RAC1: variants seen among roughly 807,000 people sequenced by gnomAD.
The protein encoded by RAC1 is Rac family small GTPase 1.
A neutral mutation model predicts 25.2 loss-of-function variants in RAC1; 2 were observed. The observed-to-expected ratio is 0.08, with a 90% CI of 0.03 to 0.25. The LOEUF is 0.25. Ranked by LOEUF, RAC1 falls within the 10% of genes least tolerant of loss-of-function variation. The probability of loss-of-function intolerance (pLI) is 1.00; values close to 1 mark genes in which losing one functional copy is unlikely to be tolerated. For missense variants in RAC1, 50 were observed against 235.7 expected, an observed-to-expected ratio of 0.21 and a Z score of 5.16; for synonymous variants, 88 against 94.0, an observed-to-expected ratio of 0.94 and a Z score of 0.37.
intron 3 of RAC1, among the ~76,000 whole-genome samples, chr7:6,393,254 T>C (rs986561180): frequency 5.3e-5 from 8 of 152,346 alleles, no homozygotes; most frequent in African/African-American, 1.9e-4. Context: ...AATCAGTCTA[T>C]AATCCCCAGA....
chr7:6,377,283 G>C (rs1319922636), intron 1 of RAC1, among the ~76,000 whole-genome samples: 1 of 151,876 alleles, frequency 6.6e-6, no homozygotes, highest in Non-Finnish European at 1.5e-5. Flanking sequence ...GTTGACTACA[G>C]CTAAGTGATA....
In RAC1 at chr7:6,376,529, G is replaced by T. The variant is rs35760067; in HGVS notation, c.35+1759G>T. On this transcript the variant is annotated intron_variant, in intron 1 of 5. Transcript: ENST00000348035. ...TTCTTTTTTTTTTTTTTGAGACGGGGTCTCACTCTGTCGCCCAGGCTGGAG... is the reference window on the plus strand; with the variant it reads ...TTCTTTTTTTTTTTTTTGAGACGGGTTCTCACTCTGTCGCCCAGGCTGGAG... Among the ~76,000 whole-genome samples the T allele has an allele frequency of 1.7e-3, 241 of 144,542 alleles. 1 individual carries two copies. The highest frequency in any genetic ancestry group is 6.0e-3 in the African/African-American group (228 of 38,204). The allele number at this position is 144,542 out of a possible 152,430, so 94.8% of individuals were successfully genotyped here. A position where few individuals can be genotyped will look rare whatever the true frequency, so the allele number is the denominator to read the frequency against.
chr7:6,389,857 C>T (rs1045492061), intron 2 of RAC1, among the ~76,000 whole-genome samples: 1 of 152,094 alleles, frequency 6.6e-6, no homozygotes, highest in Non-Finnish European at 1.5e-5. Context: ...TTTTTAGTCT[C>T]TTGTGAATTG....
chr7:6,386,088 G>T (rs1782915034), intron 1 of RAC1, among the ~76,000 whole-genome samples: 1 of 152,202 alleles, frequency 6.6e-6, no homozygotes, highest in African/African-American at 2.4e-5. Flanking sequence ...CGGCACACTG[G>T]TAATATTAGG....
chr7:6,400,251 T>C lies in RAC1; in HGVS notation c.288+63T>C, dbSNP rs1388741118. Reference sequence around the variant, plus strand: ...ATGATCCTCTCAGAAATAAATACTTTAAAATATCACTTAGCCTAGGAATTT... The same window carrying C: ...ATGATCCTCTCAGAAATAAATACTTCAAAATATCACTTAGCCTAGGAATTT... On this transcript the variant is annotated intron_variant, in intron 4 of 5. Transcript: ENST00000348035. The C allele has an allele frequency of 9.8e-6, 14 of 1,429,792 alleles. No homozygotes were observed. The East Asian group carries it at 1.8e-4, about 19-fold the overall frequency. 88.6% of individuals were successfully genotyped at this position (1,429,792 alleles called of 1,614,324 possible).
At position 6,374,774 on chromosome 7, in the gene RAC1, A is replaced by T; in HGVS notation, c.35+4A>T. On this transcript the variant is annotated splice_donor_region_variant and intron_variant, in intron 1 of 5. Coordinates refer to ENST00000348035, the MANE Select transcript of RAC1 (RefSeq NM_006908.5). The stretch of plus-strand genomic sequence containing the variant: ...AGTGTGTGGTGGTGGGAGACGGGTG[A>T]GTGCGCGGCCGGGGCCGGGCTGGAG... 1 of 1,138,976 alleles carries T rather than the reference A, an allele frequency of 8.8e-7. No individual in the cohort carries two copies. Among genetic ancestry groups the T allele is most frequent in the Non-Finnish European group, 1.1e-6 (1 of 923,006 alleles). The allele number at this position is 1,138,976 out of a possible 1,614,324, so 70.6% of individuals were successfully genotyped here. A position where few individuals can be genotyped will look rare whatever the true frequency, so the allele number is the denominator to read the frequency against.
intron 1 of RAC1, among the ~76,000 whole-genome samples, chr7:6,378,136 A>G (rs1782656998): frequency 6.6e-6 from 1 of 151,706 alleles, no homozygotes; most frequent in Non-Finnish European, 1.5e-5. Flanking sequence ...TTGCTCCTTA[A>G]CTCTGCATAC....
In RAC1 at chr7:6,395,101, G is replaced by A. The variant is rs571913790; in HGVS notation, c.225+3060G>A. On this transcript the variant is annotated intron_variant, in intron 3 of 5. Coordinates refer to ENST00000348035, the MANE Select transcript of RAC1 (RefSeq NM_006908.5). ...GATCTCCTGAGCTTGTGATCCGCCC[G>A]CCTTGGCCTCCCCAAGTGCTGGGAT... Among the ~76,000 whole-genome samples, 39 of 152,156 alleles carry A rather than the reference G, an allele frequency of 2.6e-4. 1 individual carries two copies. The highest frequency in any genetic ancestry group is 5.1e-4 in the African/African-American group (21 of 41,524).
chr7:6,375,739 A>G (rs1372464370), intron 1 of RAC1: 1 of 150,798 alleles, frequency 6.6e-6, no homozygotes, highest in Non-Finnish European at 1.5e-5. Context: ...CGCGTTAGGT[A>G]TGGGATGTAG....
chr7:6,380,379 TGTG>T (rs1782731518), intron 1 of RAC1, among the ~76,000 whole-genome samples: 1 of 38,548 alleles, frequency 2.6e-5, no homozygotes, highest in African/African-American at 5.0e-4. Context: ...TTATACATAA[TGTG>T]TGTGTGTGTG....
intron 2 of RAC1, 143 bp from the exon 3 acceptor site, chr7:6,391,781 C>T: frequency 3.0e-6 from 4 of 1,353,798 alleles, no homozygotes; most frequent in Non-Finnish European, 3.9e-6. Flanking sequence ...CCGCCTTCCT[C>T]CTTGTGCCTG....
At chr7:6,397,213 C>T (rs144717066) in intron 3 of RAC1, among the ~76,000 whole-genome samples, 6,840 of 143,728 alleles carry the variant, frequency 0.048, 461 homozygotes, top group African/African-American at 0.14. Flanking sequence ...TGCACTCCAG[C>T]CTGGGCGACA....
chr7:6,399,891 G>A (rs1427137482), intron 3 of RAC1: 10 of 556,500 alleles, frequency 1.8e-5, no homozygotes, highest in Non-Finnish European at 2.6e-5. Context: ...AGAGCTTCCA[G>A]CATCATTCTC....
At chr7:6,395,028 A>G (rs945539019) in intron 3 of RAC1, among the ~76,000 whole-genome samples, 8 of 151,998 alleles carry the variant, frequency 5.3e-5, no homozygotes, top group Non-Finnish European at 8.8e-5. Flanking sequence ...CTAATTTTTT[A>G]TATTTTTAGT....
chr7:6,376,674 T>A (rs971606165), intron 1 of RAC1, among the ~76,000 whole-genome samples: 10,221 of 48,700 alleles, frequency 0.21, 891 homozygotes, highest in East Asian at 0.62. Context: ...GCTAATTTGT[T>A]TTTTTTTTTT....
chr7:6,402,778 A>ACTG lies in RAC1; in HGVS notation c.*334_*336dup. On this transcript the variant is annotated 3_prime_UTR_variant, in exon 6 of 6. Transcript: ENST00000348035. ...GTTGCCAAAATACCTTCTGAACTAC[A>ACTG]CTGCATTGTTGTGCCGAGAACACCG... is the stretch of plus-strand genomic sequence containing the variant. 1 of 232,876 alleles carries ACTG rather than the reference A, an allele frequency of 4.3e-6. No individual in the cohort carries two copies. Among genetic ancestry groups the ACTG allele is most frequent in the Non-Finnish European group, 8.5e-6 (1 of 117,586 alleles). The allele number at this position is 232,876 out of a possible 1,614,324, so 14.4% of individuals were successfully genotyped here.
chr7:6,400,274 T>G, intron 4 of RAC1, 86 bp downstream of exon 4: 1 of 1,314,096 alleles, frequency 7.6e-7, no homozygotes, highest in Non-Finnish European at 1.1e-6. Flanking sequence ...AGCCTAGGAA[T>G]TTTTAGTTAT....
chr7:6,378,548 A>G (rs1387125040), intron 1 of RAC1, among the ~76,000 whole-genome samples: 1 of 151,572 alleles, frequency 6.6e-6, no homozygotes, highest in Middle Eastern at 3.2e-3. Flanking sequence ...CTCTGTCTTG[A>G]AAAAAAAAGA....
At position 6,402,572 on chromosome 7, in the gene RAC1, T is replaced by C. The variant is rs1562471698; in HGVS notation, c.*126T>C. 8 of 917,160 alleles carry C rather than the reference T, an allele frequency of 8.7e-6. No homozygotes were observed. Among genetic ancestry groups the C allele is most frequent in the Non-Finnish European group, 1.2e-5 (8 of 688,606 alleles). The allele number at this position is 917,160 out of a possible 1,614,324, so 56.8% of individuals were successfully genotyped here. A position where few individuals can be genotyped will look rare whatever the true frequency, so the allele number is the denominator to read the frequency against. ...AGCCTTCGCACTCAATGCCAACTTT[T>C]TGTTACAGATTAATTTTTCCATAAA... On this transcript the variant is annotated 3_prime_UTR_variant, in exon 6 of 6. Transcript: ENST00000348035.
Sources: allele counts gnomAD v4.1 joint callset (sites outside exome capture counted in the v4.1 genomes callset), GRCh38; gene constraint gnomAD v4.1.1; transcripts MANE v1.5; gene names NCBI Gene and HGNC (gene_info 2026-07-23, HGNC 2026-07-21).